The following RTF2 variants were observed in gnomAD, a reference collection of about 807,000 sequenced individuals.
RTF2 encodes the protein UPF0549 protein C20orf43.
A neutral mutation model predicts 38.0 loss-of-function variants in RTF2; 18 were observed. The ratio of observed to expected loss-of-function variants is 0.47; its 90% CI spans 0.33 to 0.70. The LOEUF (loss-of-function observed/expected upper bound fraction) is 0.70. Among genes scored for constraint, RTF2 ranks in the 30% least tolerant of loss-of-function variants. RTF2 has a pLI of 0.02. For missense variants in RTF2, 311 were observed against 379.6 expected (o/e 0.82, Z 1.50); for synonymous variants, 126 against 137.1 (o/e 0.92, Z 0.57).
chr20:56,510,546 G>A (rs1984582412), intron 5 of RTF2, among the ~76,000 whole-genome samples: 1 of 152,200 alleles, frequency 6.6e-6, no homozygotes, highest in Non-Finnish European at 1.5e-5. Context: ...TAAGCTCACT[G>A]CTCCATTTTT....
chr20:56,504,088 C>T (rs1428299718), intron 5 of RTF2: 1 of 152,334 alleles, frequency 6.6e-6, no homozygotes, highest in Non-Finnish European at 1.5e-5. Flanking sequence ...GAGGGGGAGT[C>T]CTGGCGGTGT....
At chr20:56,508,705 C>T (rs556482299) in intron 5 of RTF2, among the ~76,000 whole-genome samples, 79 of 152,062 alleles carry the variant, frequency 5.2e-4, no homozygotes, top group Non-Finnish European at 1.1e-3. Context: ...ATAGGGAGTC[C>T]GGAAATAAAC....
At chr20:56,477,198 G>C (rs1982299562) in intron 4 of RTF2, 74 bp downstream of exon 4, 1 of 1,552,384 alleles carries the variant, frequency 6.4e-7, no homozygotes, top group Non-Finnish European at 8.8e-7. Context: ...AGTGGTGCCG[G>C]AGCTTAGCAG....
At chr20:56,479,351 G>A (rs544327240) in intron 4 of RTF2, among the ~76,000 whole-genome samples, 47 of 152,122 alleles carry the variant, frequency 3.1e-4, no homozygotes, top group Non-Finnish European at 5.0e-4. Context: ...TCAGCGTCCC[G>A]AGTAGCTGGG....
At chr20:56,486,263 A>G (rs1166787065) in intron 5 of RTF2, among the ~76,000 whole-genome samples, 2 of 152,212 alleles carry the variant, frequency 1.3e-5, no homozygotes, top group Non-Finnish European at 2.9e-5. Flanking sequence ...GGCAGGATCT[A>G]GCAAAACTGT....
intron 5 of RTF2, among the ~76,000 whole-genome samples, chr20:56,494,415 G>T (rs1351226947): frequency 2.0e-5 from 3 of 151,974 alleles, no homozygotes; most frequent in African/African-American, 7.3e-5. Context: ...ACACCTGAGG[G>T]GCTCCTGTTT....
At chr20:56,481,809 T>TAC (rs936183421) in intron 4 of RTF2, among the ~76,000 whole-genome samples, 24 of 152,210 alleles carry the variant, frequency 1.6e-4, no homozygotes, top group African/African-American at 5.8e-4. Context: ...ATTACATAGG[T>TAC]ACTCCCCATT....
At chr20:56,470,593 T>A (rs1265136491) in intron 1 of RTF2, 1 of 456,058 alleles carries the variant, frequency 2.2e-6, no homozygotes, top group Admixed American at 2.3e-5. Flanking sequence ...TCTTTTGTTC[T>A]AATAAGGCAA....
intron 5 of RTF2, among the ~76,000 whole-genome samples, chr20:56,499,473 G>A (rs535541688): frequency 1.3e-5 from 2 of 151,674 alleles, no homozygotes; most frequent in Non-Finnish European, 2.9e-5. Context: ...GAGCCACCAC[G>A]CCTGGCAATA....
chr20:56,495,118 CT>C, intron 5 of RTF2: 1 of 911,470 alleles, frequency 1.1e-6, no homozygotes, highest in Non-Finnish European at 1.7e-6. Flanking sequence ...GATCCTCCGT[CT>C]TGCCCACTAG....
At chr20:56,494,646 T>C (rs1216433347) in intron 5 of RTF2, among the ~76,000 whole-genome samples, 1 of 152,258 alleles carries the variant, frequency 6.6e-6, no homozygotes, top group African/African-American at 2.4e-5. Context: ...TCCAGCTCTC[T>C]AACCTGGTCC....
intron 1 of RTF2, chr20:56,472,454 A>G: frequency 8.2e-7 from 1 of 1,226,410 alleles, no homozygotes; most frequent in Non-Finnish European, 1.2e-6. Flanking sequence ...GGAGGGTCTT[A>G]TGTCTGGATT....
chr20:56,469,986 CTCT>C (rs1981873838), intron 1 of RTF2, among the ~76,000 whole-genome samples: 1 of 152,202 alleles, frequency 6.6e-6, no homozygotes, highest in Non-Finnish European at 1.5e-5. Flanking sequence ...ATTCTCTCTT[CTCT>C]TCTTAACAGT....
chr20:56,472,593 T>C (rs2146313476), intron 1 of RTF2, among the ~76,000 whole-genome samples: 1 of 152,226 alleles, frequency 6.6e-6, no homozygotes, highest in South Asian at 2.1e-4. Context: ...AAAATGCTTG[T>C]CTTCTCAGTT....
intron 5 of RTF2, among the ~76,000 whole-genome samples, chr20:56,499,507 A>C (rs748010115): frequency 1.3e-5 from 2 of 152,110 alleles, no homozygotes; most frequent in African/African-American, 2.4e-5. Flanking sequence ...ACATGAAACC[A>C]TCATAATTTA....
chr20:56,497,463 G>A (rs899586832), intron 5 of RTF2: 2 of 1,521,700 alleles, frequency 1.3e-6, no homozygotes, highest in Non-Finnish European at 1.8e-6. Flanking sequence ...CAGTTCATCT[G>A]GGTAAAAGCC....
rs57316890 is a variant in RTF2, at chr20:56,479,784, C to T, written c.398+2660C>T. Among the ~76,000 whole-genome samples, 3,150 of 151,490 alleles carry T rather than the reference C, an allele frequency of 0.021. 171 individuals are homozygous for T. In the East Asian group the frequency reaches 0.26, roughly 12 times the overall value. ...TCAGAGCTCTTGCGTGACCTAGGTG[C>T]ATTATCAATGAGCGGTGATATTTTG... On this transcript the variant is annotated intron_variant, in intron 4 of 8. Transcript: ENST00000357348.
In RTF2 at chr20:56,480,479, T is replaced by C. The variant is rs374429810; in HGVS notation, c.398+3355T>C. Among the ~76,000 whole-genome samples the C allele has an allele frequency of 3.3e-5, 5 of 152,350 alleles. 1 individual carries two copies. Among genetic ancestry groups the C allele is most frequent in the East Asian group, 1.9e-4 (1 of 5,194 alleles). On this transcript the variant is annotated intron_variant, in intron 4 of 8. Coordinates refer to ENST00000357348, the MANE Select transcript of RTF2 (RefSeq NM_016407.5). ...ATATCAGCAATACGGTTGTTTCACT[T>C]TCTTACCATTCATCTGTTTATAGAG...
At chr20:56,474,271 A>G (rs1244520119) in intron 2 of RTF2, among the ~76,000 whole-genome samples, 1 of 152,098 alleles carries the variant, frequency 6.6e-6, no homozygotes, top group African/African-American at 2.4e-5. Context: ...ACCTGAGGTC[A>G]GGAGTTTGAG....
Sources: allele counts gnomAD v4.1 joint callset (sites outside exome capture counted in the v4.1 genomes callset), GRCh38; gene constraint gnomAD v4.1.1; transcripts MANE v1.5; gene names NCBI Gene and HGNC (gene_info 2026-07-23, HGNC 2026-07-21).